PCDH11X: variants seen among roughly 807,000 people sequenced by gnomAD.
PCDH11X encodes the protein protocadherin-11 X-linked.
In PCDH11X, 18 loss-of-function variants were observed where a neutral mutation model predicts 53.3. That is an observed-to-expected ratio of 0.34 (90% CI 0.23 to 0.50). PCDH11X has a LOEUF of 0.50. Ranked by LOEUF, PCDH11X falls within the 20% of genes least tolerant of loss-of-function variation. The pLI is 0.98. For synonymous variants in PCDH11X, 279 were observed against 393.3 expected (o/e 0.71, Z 3.44); for missense variants, 570 against 1,032.4 (o/e 0.55, Z 6.14).
intron 6 of PCDH11X, among the ~76,000 whole-genome samples, chrX:92,032,183 T>C (rs1334038052): frequency 9.0e-6 from 1 of 111,527 alleles, no homozygotes; most frequent in Non-Finnish European, 1.9e-5. Context: ...TAATGTTCAT[T>C]GTCTTGATTT....
At chrX:92,552,600 T>A (rs2074977928) in intron 10 of PCDH11X, among the ~76,000 whole-genome samples, 1 of 109,342 alleles carries the variant, frequency 9.1e-6, no homozygotes, top group Non-Finnish European at 1.9e-5. Context: ...GTGGGCATCC[T>A]TTCAAGTTTC....
intron 10 of PCDH11X, among the ~76,000 whole-genome samples, chrX:92,612,255 A>T (rs1317993097): frequency 9.0e-6 from 1 of 110,991 alleles, no homozygotes; most frequent in Non-Finnish European, 1.9e-5. Context: ...GGTAGTTTTT[A>T]AAATTACTGA....
intron 6 of PCDH11X, among the ~76,000 whole-genome samples, chrX:92,027,047 G>A (rs1017422110): frequency 4.6e-5 from 5 of 108,818 alleles, no homozygotes; most frequent in Non-Finnish European, 7.6e-5. Flanking sequence ...TTTGCATTTT[G>A]TTAAGGTACA....
intron 10 of PCDH11X, among the ~76,000 whole-genome samples, chrX:92,584,237 CA>C (rs1419483632): frequency 2.7e-5 from 3 of 109,893 alleles, no homozygotes; most frequent in African/African-American, 9.9e-5. Context: ...AAAATAAGTG[CA>C]AAATAAACCC....
At chrX:92,523,628 C>T (rs750203012) in intron 10 of PCDH11X, among the ~76,000 whole-genome samples, 1 of 111,568 alleles carries the variant, frequency 9.0e-6, no homozygotes, top group South Asian at 3.7e-4. Flanking sequence ...TATCTGCTTT[C>T]GTCACTCTGT....
chrX:91,830,946 C>A (rs1937083677), intron 4 of PCDH11X, among the ~76,000 whole-genome samples: 1 of 111,150 alleles, frequency 9.0e-6, no homozygotes, highest in Admixed American at 9.7e-5. Flanking sequence ...ATGAAACCAG[C>A]ACTATAATGA....
chrX:91,888,020 T>A (rs1181084783), intron 6 of PCDH11X, among the ~76,000 whole-genome samples: 1 of 112,016 alleles, frequency 8.9e-6, no homozygotes, highest in Non-Finnish European at 1.9e-5. Context: ...TTCCCAGAAT[T>A]TTCAGAACTC....
chrX:92,380,225 C>T (rs1044287443), intron 8 of PCDH11X, among the ~76,000 whole-genome samples: 1 of 104,978 alleles, frequency 9.5e-6, no homozygotes, highest in Non-Finnish European at 2.0e-5. Context: ...ACGCTGGCAC[C>T]TGCAGCTGCC....
intron 6 of PCDH11X, among the ~76,000 whole-genome samples, chrX:92,109,506 T>A (rs913237644): frequency 5.4e-5 from 6 of 111,399 alleles, no homozygotes; most frequent in Non-Finnish European, 5.7e-5. Flanking sequence ...CTGGGTGGGA[T>A]CACAGAACTG....
At chrX:92,444,087 C>T (rs2755054) in intron 9 of PCDH11X, among the ~76,000 whole-genome samples, 1 of 111,073 alleles carries the variant, frequency 9.0e-6, no homozygotes, top group Admixed American at 9.6e-5. Context: ...GGTACTTTGA[C>T]AGAAATAGTG....
At chrX:91,998,372 C>A (rs1777829875) in intron 6 of PCDH11X, among the ~76,000 whole-genome samples, 1 of 111,248 alleles carries the variant, frequency 9.0e-6, no homozygotes, top group Non-Finnish European at 1.9e-5. Flanking sequence ...TTTGTGGTAT[C>A]AGTTGTAATG....
At chrX:92,012,053 G>A (rs978303669) in intron 6 of PCDH11X, among the ~76,000 whole-genome samples, 16 of 110,823 alleles carry the variant, frequency 1.4e-4, no homozygotes, top group Non-Finnish European at 2.1e-4. Context: ...GACATATGGG[G>A]CCATTACAGC....
chrX:92,116,171 T>C (rs1286038627), intron 6 of PCDH11X, among the ~76,000 whole-genome samples: 2 of 112,607 alleles, frequency 1.8e-5, no homozygotes, highest in Non-Finnish European at 3.7e-5. Flanking sequence ...ACTTGAAATA[T>C]ATTTTTAATT....
At chrX:92,572,058 A>C (rs1403353448) in intron 10 of PCDH11X, among the ~76,000 whole-genome samples, 2 of 112,367 alleles carry the variant, frequency 1.8e-5, no homozygotes, top group Admixed American at 1.9e-4. Context: ...ATGAATTGTA[A>C]ATAACATTCT....
At chrX:91,998,983 GGCTCACT>G (rs1208468277) in intron 6 of PCDH11X, among the ~76,000 whole-genome samples, 1 of 109,332 alleles carries the variant, frequency 9.1e-6, no homozygotes, top group Non-Finnish European at 1.9e-5. Context: ...ATGCAAACAC[GGCTCACT>G]GCTGCCTCAA....
In PCDH11X at chrX:92,139,274, T is replaced by C. The variant is rs188874157; in HGVS notation, c.3034-62101T>C. The stretch of plus-strand genomic sequence containing the variant: ...TTTTTCTTTCTTTCTTTCTTTCTTT[T>C]TTTTTTTTTTTTTTTGTTGAGATGG... On this transcript the variant is annotated intron_variant, in intron 6 of 10. Coordinates refer to ENST00000682573, the MANE Select transcript of PCDH11X (RefSeq NM_032968.5). 1.8e-3 allele frequency among the ~76,000 whole-genome samples: 167 copies of C among 90,764 alleles called. 1 individual carries two copies. The highest frequency in any genetic ancestry group is 6.4e-3 in the African/African-American group (135 of 21,248). 78.8% of individuals were successfully genotyped at this position (90,764 alleles called of 115,157 possible).
chrX:92,509,955 C>A lies in PCDH11X; in HGVS notation c.3367+41633C>A, dbSNP rs148759750. ...TGAGACTAATATTGAAATATGCCCACATTTATAATAAACAATTGGAGTGAG... is the reference window on the plus strand; with the variant it reads ...TGAGACTAATATTGAAATATGCCCAAATTTATAATAAACAATTGGAGTGAG... On this transcript the variant is annotated intron_variant, in intron 10 of 10. Coordinates refer to ENST00000682573, the MANE Select transcript of PCDH11X (RefSeq NM_032968.5). Among the ~76,000 whole-genome samples the A allele has an allele frequency of 2.5e-3, 276 of 110,502 alleles. 9 individuals are homozygous for A. The East Asian group carries it at 0.068, about 27-fold the overall frequency.
At chrX:92,235,151 AAGAG>A (rs1003590703) in intron 7 of PCDH11X, among the ~76,000 whole-genome samples, 2 of 106,102 alleles carry the variant, frequency 1.9e-5, no homozygotes, top group Admixed American at 9.8e-5. Context: ...ATAAAAAAGA[AAGAG>A]AAATAAAAGC....
At chrX:92,507,479 G>A (rs1180310369) in intron 10 of PCDH11X, among the ~76,000 whole-genome samples, 1 of 110,924 alleles carries the variant, frequency 9.0e-6, no homozygotes, top group African/African-American at 3.3e-5. Context: ...CCTTGCTACT[G>A]TCCTCGGTTG....
Sources: allele counts gnomAD v4.1 joint callset (sites outside exome capture counted in the v4.1 genomes callset), GRCh38; gene constraint gnomAD v4.1.1; transcripts MANE v1.5; gene names NCBI Gene and HGNC (gene_info 2026-07-23, HGNC 2026-07-21).